Variants in COX8A observed in about 807,000 individuals in gnomAD.
COX8A encodes the protein cytochrome c oxidase subunit 8A.
COX8A carries 6 observed loss-of-function variants against 4.4 expected under a neutral mutation model. The observed-to-expected ratio is 1.36, with a 90% CI of 0.74 to 2.68. The LOEUF is 2.68. COX8A is among the 30% of genes most tolerant of loss of function. COX8A has a pLI of 0.00. For missense variants in COX8A, 72 were observed against 89.6 expected (o/e 0.80, Z 0.79); for synonymous variants, 53 against 47.1 (o/e 1.12, Z -0.51).
At chr11:63,975,851 A>T (rs1044863447) in intron 1 of COX8A, among the ~76,000 whole-genome samples, 1 of 152,174 alleles carries the variant, frequency 6.6e-6, no homozygotes, top group African/African-American at 2.4e-5. Context: ...AATTGCTGGG[A>T]TTACAGGTGT....
Position 63,976,128 on chromosome 11 carries a change from C to T in COX8A, c.115-97C>T, listed in dbSNP as rs1186538293. 9 of 1,176,322 alleles carry T rather than the reference C, an allele frequency of 7.7e-6. No homozygotes were observed. In the East Asian group the frequency reaches 1.9e-4, roughly 24 times the overall value. The allele number at this position is 1,176,322 out of a possible 1,614,324, so 72.9% of individuals were successfully genotyped here. On this transcript the variant is annotated intron_variant, in intron 1 of 1. Transcript: ENST00000314133. The stretch of plus-strand genomic sequence containing the variant: ...CCCACTTGCCTCTGAGTCCTGGCTC[C>T]CTGAGCGGGGCTTTCTGCTGCCTGG...
At position 63,974,706 on chromosome 11, in the gene COX8A, T is replaced by A. The variant is rs1450249002; in HGVS notation, c.26T>A (p.Leu9Gln). Residue 9 changes from leucine (L) to glutamine (Q), a missense_variant, in exon 1 of 2, where the codon CTG becomes CAG. Physicochemically the swap from Leu to Gln is moderately radical, Grantham distance 113. Transcript: ENST00000314133. MSVLTPLL[L>Q]RGLTGSARRL... ...ATGTCCGTCCTGACGCCGCTGCTGC[T>A]GCGGGGCTTGACAGGCTCGGCCCGG... 1.1e-5 allele frequency: 18 copies of A among 1,610,110 alleles called. No individual in the cohort carries two copies. Among genetic ancestry groups the A allele is most frequent in the Non-Finnish European group, 1.5e-5 (18 of 1,178,358 alleles).
chr11:63,975,291 G>A (rs1300696448), intron 1 of COX8A, among the ~76,000 whole-genome samples: 1 of 151,470 alleles, frequency 6.6e-6, no homozygotes, highest in African/African-American at 2.4e-5. Context: ...CGATTCTCCT[G>A]CCTCAGCCTC....
intron 1 of COX8A, among the ~76,000 whole-genome samples, chr11:63,975,044 G>T (rs947605275): frequency 3.9e-5 from 6 of 152,100 alleles, no homozygotes; most frequent in African/African-American, 1.2e-4. Flanking sequence ...TCCCTCTCCT[G>T]TCGCCTCCTC....
chr11:63,976,134 C>A, intron 1 of COX8A, 91 bp from the exon 2 acceptor site: 1 of 1,228,794 alleles, frequency 8.1e-7, no homozygotes, highest in African/African-American at 1.5e-5. Context: ...GCTCCCTGAG[C>A]GGGGCTTTCT....
Position 63,976,531 on chromosome 11 carries a change from T to C in COX8A, c.*211T>C, listed in dbSNP as rs1942542506. 3.5e-6 allele frequency: 2 copies of C among 569,866 alleles called. No individual in the cohort carries two copies. Among genetic ancestry groups the C allele is most frequent in the Admixed American group, 6.2e-5 (2 of 32,320 alleles). The allele number at this position is 569,866 out of a possible 1,614,324, so 35.3% of individuals were successfully genotyped here. On this transcript the variant is annotated 3_prime_UTR_variant, in exon 2 of 2. Transcript: ENST00000314133. ...GGGTCCCCCTTGTAACAATAAAATC[T>C]ATTTAAACTTTACTTCAGAAATTCA... is the stretch of plus-strand genomic sequence containing the variant.
Position 63,976,329 on chromosome 11 carries a change from G to C in COX8A, c.*9G>C, listed in dbSNP as rs770774195. On this transcript the variant is annotated 3_prime_UTR_variant, in exon 2 of 2. Transcript: ENST00000314133. ...ACAGGAGGCCAGAGTGAAGGGGTCCGTTCTGTCCCTCACACTGTGACCTGA... is the reference window on the plus strand; with the variant it reads ...ACAGGAGGCCAGAGTGAAGGGGTCCCTTCTGTCCCTCACACTGTGACCTGA... The C allele has an allele frequency of 1.9e-6, 3 of 1,612,980 alleles. No homozygotes were observed. The highest frequency in any genetic ancestry group is 1.7e-6 in the Non-Finnish European group (2 of 1,179,002).
Position 63,974,809 on chromosome 11 carries a change from TG to T in COX8A, c.114+17del. 1 of 1,581,708 alleles carries T rather than the reference TG, an allele frequency of 6.3e-7. No homozygotes were observed. The highest frequency in any genetic ancestry group is 1.1e-5 in the South Asian group (1 of 87,430). ...TTGGGATCATGGTGAGGAACGGGCC[TG>T]GAAGAGCGCGGGAGGCGCCGTGGGC... On this transcript the variant is annotated intron_variant, in intron 1 of 1. Coordinates refer to ENST00000314133, the MANE Select transcript of COX8A (RefSeq NM_004074.3).
In COX8A at chr11:63,974,659, T is replaced by C. The variant is rs1391261970; in HGVS notation, c.-22T>C. 3 of 1,588,440 alleles carry C rather than the reference T, an allele frequency of 1.9e-6. No homozygotes were observed. The highest frequency in any genetic ancestry group is 1.8e-5 in the Admixed American group (1 of 56,384). ...ACCTTGGGCTACGGCTGACCGTTTTTTGTGGTGTACTCCGTGCCATCATGT... is the reference window on the plus strand; with the variant it reads ...ACCTTGGGCTACGGCTGACCGTTTTCTGTGGTGTACTCCGTGCCATCATGT... On this transcript the variant is annotated 5_prime_UTR_variant, in exon 1 of 2. Coordinates refer to ENST00000314133, the MANE Select transcript of COX8A (RefSeq NM_004074.3).
Position 63,976,419 on chromosome 11 carries a change from C to T in COX8A, c.*99C>T, listed in dbSNP as rs1590772161. The T allele has an allele frequency of 9.4e-7, 1 of 1,065,084 alleles. No homozygotes were observed. Among genetic ancestry groups the T allele is most frequent in the South Asian group, 1.3e-5 (1 of 76,572 alleles). 66.0% of individuals were successfully genotyped at this position (1,065,084 alleles called of 1,614,324 possible). ...GTGGCCGGCCTCCCCTGGATCATGT[C>T]ATTCAATTCCAGTCACCTCTTCTGC... On this transcript the variant is annotated 3_prime_UTR_variant, in exon 2 of 2. Coordinates refer to ENST00000314133, the MANE Select transcript of COX8A (RefSeq NM_004074.3).
At chr11:63,975,927 T>G in intron 1 of COX8A, among the ~76,000 whole-genome samples, 1 of 152,126 alleles carries the variant, frequency 6.6e-6, no homozygotes, top group Non-Finnish European at 1.5e-5. Context: ...TCCTGTCCCT[T>G]CCTTTACCAT....
In COX8A at chr11:63,974,713, C is replaced by T. The variant is rs766913092; in HGVS notation, c.33C>T (p.Gly11=). 7 of 1,610,420 alleles carry T rather than the reference C, an allele frequency of 4.3e-6. No individual in the cohort carries two copies. The highest frequency in any genetic ancestry group is 5.9e-6 in the Non-Finnish European group (7 of 1,178,528). ...TCCTGACGCCGCTGCTGCTGCGGGG[C>T]TTGACAGGCTCGGCCCGGCGGCTCC... MSVLTPLLLR[G]LTGSARRLPV... The change falls in exon 1 of 2, where the codon GGC becomes GGT. Residue 11 remains glycine (G), a synonymous_variant. Transcript: ENST00000314133.
In COX8A at chr11:63,974,754, AG is replaced by A; in HGVS notation, c.75del (p.Ile26SerfsTer24). ...SARRLPVPRAKIHSLPPEGKL... is the reference protein window; with the variant it reads ...SARRLPVPRAXIHSLPPEGKL... The stretch of plus-strand genomic sequence containing the variant: ...CGGCGGCTCCCAGTGCCGCGCGCCA[AG>A]ATCCATTCGTTGCCGCCGGAGGGGA... On this transcript the variant is annotated frameshift_variant, in exon 1 of 2. Coordinates refer to ENST00000314133, the MANE Select transcript of COX8A (RefSeq NM_004074.3). LOFTEE classifies it high-confidence loss of function. The A allele has an allele frequency of 6.2e-7, 1 of 1,608,792 alleles. No individual in the cohort carries two copies. Among genetic ancestry groups the A allele is most frequent in the Non-Finnish European group, 8.5e-7 (1 of 1,177,906 alleles).
intron 1 of COX8A, 132 bp downstream of exon 1, chr11:63,974,926 G>A (rs1306082986): frequency 3.6e-6 from 3 of 841,550 alleles, no homozygotes; most frequent in Non-Finnish European, 5.3e-6. Flanking sequence ...GTTTGGGCAT[G>A]TCTGGAGGGC....
chr11:63,976,103 C>T (rs1423186255), intron 1 of COX8A, 122 bp from the exon 2 acceptor site: 1 of 873,602 alleles, frequency 1.1e-6, no homozygotes, highest in South Asian at 1.4e-5. Flanking sequence ...TGCGGGGCCT[C>T]CCACTTGCCT....
chr11:63,975,832 G>A (rs1047381610), intron 1 of COX8A, among the ~76,000 whole-genome samples: 4 of 151,566 alleles, frequency 2.6e-5, no homozygotes, highest in Admixed American at 1.3e-4. Flanking sequence ...CGCCCGCCTT[G>A]GCCTCCCAAA....
chr11:63,976,534 T>G lies in COX8A; in HGVS notation c.*214T>G, dbSNP rs1441164085. 1 of 566,246 alleles carries G rather than the reference T, an allele frequency of 1.8e-6. No individual in the cohort carries two copies. The highest frequency in any genetic ancestry group is 3.2e-6 in the Non-Finnish European group (1 of 316,158). 35.1% of individuals were successfully genotyped at this position (566,246 alleles called of 1,614,324 possible). On this transcript the variant is annotated 3_prime_UTR_variant, in exon 2 of 2. Coordinates refer to ENST00000314133, the MANE Select transcript of COX8A (RefSeq NM_004074.3). ...TCCCCCTTGTAACAATAAAATCTAT[T>G]TAAACTTTACTTCAGAAATTCATTG...
intron 1 of COX8A, 124 bp downstream of exon 1, chr11:63,974,918 T>G (rs1315333880): frequency 4.3e-6 from 4 of 924,280 alleles, no homozygotes; most frequent in Non-Finnish European, 6.3e-6. Flanking sequence ...CAGTGCCGGT[T>G]TGGGCATGTC....
intron 1 of COX8A, 36 bp from the exon 2 acceptor site, chr11:63,976,185 TACTG>T (rs1942538688): frequency 1.9e-6 from 3 of 1,576,214 alleles, no homozygotes; most frequent in Non-Finnish European, 2.6e-6. Flanking sequence ...CCTAGGGGAA[TACTG>T]ACTCCGAGGT....
Sources: allele counts gnomAD v4.1 joint callset (sites outside exome capture counted in the v4.1 genomes callset), GRCh38; gene constraint gnomAD v4.1.1; transcripts MANE v1.5; gene names NCBI Gene and HGNC (gene_info 2026-07-23, HGNC 2026-07-21).